STX11: variants seen among roughly 807,000 people sequenced by gnomAD.
STX11 encodes the protein syntaxin-11.
STX11 carries 21 observed loss-of-function variants against 19.9 expected under a neutral mutation model. The observed-to-expected ratio is 1.06, with a 90% confidence interval of 0.75 to 1.52. The LOEUF is 1.52. STX11 is among the 40% of genes most tolerant of loss of function. STX11 has a pLI of 0.00. For missense variants in STX11, 438 were observed against 405.9 expected, an observed-to-expected ratio of 1.08 and a Z score of -0.68; for synonymous variants, 193 against 174.4, an observed-to-expected ratio of 1.11 and a Z score of -0.84.
Position 144,150,587 on chromosome 6 carries a change from G to C in STX11, c.-122G>C. ...TCAGCCTCGGCCGCAGGAGGCGCCG[G>C]GAGCGGAGCCGCCGGGAGTCGCGCA... is the stretch of plus-strand genomic sequence containing the variant. On this transcript the variant is annotated 5_prime_UTR_variant, in exon 1 of 2. Coordinates refer to ENST00000367568, the MANE Select transcript of STX11 (RefSeq NM_003764.4). 1.0e-6 allele frequency: 1 copy of C among 985,466 alleles called. No individual in the cohort carries two copies. Among genetic ancestry groups the C allele is most frequent in the Middle Eastern group, 5.2e-4 (1 of 1,914 alleles). The allele number at this position is 985,466 out of a possible 1,614,324, so 61.0% of individuals were successfully genotyped here.
chr6:144,182,195 G>A lies in STX11; in HGVS notation c.-5-4428G>A. Among the ~76,000 whole-genome samples, 1 of 152,118 alleles carries A rather than the reference G, an allele frequency of 6.6e-6. No individual in the cohort carries two copies. On this transcript the variant is annotated intron_variant, in intron 1 of 1. Transcript: ENST00000367568. The surrounding 1 kb of genome is among the most constrained non-coding windows in gnomAD (Gnocchi z 4.8). Reference sequence around the variant, plus strand: ...TAGGTTATTTTGATTCTCTATTTGTGCCCACTTCTATATTTTTGTATAACT... The same window carrying A: ...TAGGTTATTTTGATTCTCTATTTGTACCCACTTCTATATTTTTGTATAACT...
chr6:144,168,512 T>TA (rs1253642707), intron 1 of STX11, among the ~76,000 whole-genome samples: 1 of 152,082 alleles, frequency 6.6e-6, no homozygotes, highest in Non-Finnish European at 1.5e-5. Flanking sequence ...TTGTTGATGT[T>TA]AAAAAAAACT....
intron 1 of STX11, among the ~76,000 whole-genome samples, chr6:144,163,745 A>G (rs1801406502): frequency 6.6e-6 from 1 of 152,120 alleles, no homozygotes; most frequent in South Asian, 2.1e-4. Context: ...TCAGCCTCCC[A>G]AAGTGCTGGT....
intron 1 of STX11, among the ~76,000 whole-genome samples, chr6:144,186,125 T>G (rs914680642): frequency 3.6e-5 from 5 of 137,008 alleles, no homozygotes; most frequent in Admixed American, 7.9e-5. Flanking sequence ...AAGAGATGGT[T>G]TCCCAATGCA....
rs1264444146 is a variant in STX11 at position 144,187,140 on chromosome 6, A to G, written c.513A>G (p.Glu171=). 6.8e-6 allele frequency: 11 copies of G among 1,613,972 alleles called. No homozygotes were observed. The highest frequency in any genetic ancestry group is 9.3e-6 in the Non-Finnish European group (11 of 1,180,004). ...IQRQLEIMGK[E]VSGDQIEDMF... is the part of the protein sequence containing the mutation. ...GCCAGCTGGAGATCATGGGCAAGGA[A>G]GTCTCGGGCGACCAGATCGAGGACA... The change falls in exon 2 of 2, where the codon GAA becomes GAG. Residue 171 remains glutamate (E), a synonymous_variant. Coordinates refer to ENST00000367568, the MANE Select transcript of STX11 (RefSeq NM_003764.4). The surrounding 1 kb of genome is among the most constrained non-coding windows in gnomAD (Gnocchi z 5.6).
Position 144,187,755 on chromosome 6 carries a change from C to A in STX11, c.*264C>A. ...ATTATATGACACCTTGCACTCTTAC[C>A]GTCTTGACAGAAGCCAAGTAAGGAA... On this transcript the variant is annotated 3_prime_UTR_variant, in exon 2 of 2. Transcript: ENST00000367568. This position sits in a 1 kb window ranked among gnomAD's most constrained non-coding sequence, Gnocchi z 5.6. 1 of 577,040 alleles carries A rather than the reference C, an allele frequency of 1.7e-6. No homozygotes were observed. Among genetic ancestry groups the A allele is most frequent in the East Asian group, 3.0e-5 (1 of 33,046 alleles). 35.7% of individuals were successfully genotyped at this position (577,040 alleles called of 1,614,324 possible).
the STX11 span, among the ~76,000 whole-genome samples, chr6:144,141,658 T>TGTC: frequency 1.2e-5 from 1 of 84,754 alleles, no homozygotes; most frequent in South Asian, 2.7e-4. Context: ...TCAGTTTTGT[T>TGTC]GTTGTTGTTG....
At chr6:144,171,579 G>T (rs1801637347) in intron 1 of STX11, among the ~76,000 whole-genome samples, 1 of 152,164 alleles carries the variant, frequency 6.6e-6, no homozygotes, top group African/African-American at 2.4e-5. Context: ...CTCAGCCAAG[G>T]TTAAAACTGC....
chr6:144,143,858 C>T, the STX11 span, among the ~76,000 whole-genome samples: 826 of 152,240 alleles, frequency 5.4e-3, 11 homozygotes, highest in African/African-American at 0.016. Context: ...AGAGTAGTAG[C>T]TTTATAAACA....
Position 144,155,634 on chromosome 6 carries a change from A to G in STX11, c.-6+4931A>G, listed in dbSNP as rs1446880741. On this transcript the variant is annotated intron_variant, in intron 1 of 1. Transcript: ENST00000367568. This position sits in a 1 kb window ranked among gnomAD's most constrained non-coding sequence, Gnocchi z 4.5. The stretch of plus-strand genomic sequence containing the variant: ...CATATCGGTTTGTCTTGGCTGTTCA[A>G]TTCAACTGTGGTTTCCCTGAGAGAA... Among the ~76,000 whole-genome samples, 1 of 152,198 alleles carries G rather than the reference A, an allele frequency of 6.6e-6. No homozygotes were observed. Among genetic ancestry groups the G allele is most frequent in the Non-Finnish European group, 1.5e-5 (1 of 68,038 alleles).
chr6:144,178,201 T>G (rs1801821455), intron 1 of STX11, among the ~76,000 whole-genome samples: 2 of 152,210 alleles, frequency 1.3e-5, no homozygotes, highest in Admixed American at 1.3e-4. Flanking sequence ...CTTTTGGGAT[T>G]TATATCTCAA....
chr6:144,188,917 G>A lies in STX11; in HGVS notation c.*1426G>A, dbSNP rs1462257110. The stretch of plus-strand genomic sequence containing the variant: ...AATTTTTTATGTTTTTAGTAAAGAC[G>A]GTGTTTCACCGTGTTAGCCAGGATG... On this transcript the variant is annotated 3_prime_UTR_variant, in exon 2 of 2. Transcript: ENST00000367568. 1.3e-5 allele frequency among the ~76,000 whole-genome samples: 2 copies of A among 151,980 alleles called. No homozygotes were observed. Among genetic ancestry groups the A allele is most frequent in the East Asian group, 3.9e-4 (2 of 5,166 alleles).
At position 144,178,090 on chromosome 6, in the gene STX11, T is replaced by C. The variant is rs75074730; in HGVS notation, c.-5-8533T>C. Among the ~76,000 whole-genome samples the C allele has an allele frequency of 4.7e-3, 715 of 152,350 alleles. 25 individuals are homozygous for C. The East Asian group carries it at 0.081, about 17-fold the overall frequency. On this transcript the variant is annotated intron_variant, in intron 1 of 1. Transcript: ENST00000367568. Reference sequence around the variant, plus strand: ...AAGCTCAATTAGGGAATACGTTTCCTATTAGACTAACGATTTTAAAAGAAG... The same window carrying C: ...AAGCTCAATTAGGGAATACGTTTCCCATTAGACTAACGATTTTAAAAGAAG...
In STX11 at chr6:144,172,329, G is replaced by A. The variant is rs2128751970; in HGVS notation, c.-5-14294G>A. ...GCAGCTGTAGAGGTGGGTCAGCTGGGGGCTGGCCTAGCTCTCCGTGCGGTC... is the reference window on the plus strand; with the variant it reads ...GCAGCTGTAGAGGTGGGTCAGCTGGAGGCTGGCCTAGCTCTCCGTGCGGTC... On this transcript the variant is annotated intron_variant, in intron 1 of 1. Transcript: ENST00000367568. The surrounding 1 kb of genome is among the most constrained non-coding windows in gnomAD (Gnocchi z 4.2). Among the ~76,000 whole-genome samples, 1 of 152,250 alleles carries A rather than the reference G, an allele frequency of 6.6e-6. No homozygotes were observed. The highest frequency in any genetic ancestry group is 1.5e-5 in the Non-Finnish European group (1 of 68,020).
chr6:144,187,389 C>G lies in STX11; in HGVS notation c.762C>G (p.Asp254Glu). ...AGCTCAACGTACAAAAGACGGTCGA[C>G]TACACCGGCCAGGCCAAGGCGCAGG... ...VIELNVQKTV[D>E]YTGQAKAQVR... Residue 254 changes from aspartate to glutamate, a missense_variant, in exon 2 of 2, where the codon GAC becomes GAG. By Grantham distance (45) the Asp-to-Glu change is conservative. Transcript: ENST00000367568. This position sits in a 1 kb window ranked among gnomAD's most constrained non-coding sequence, Gnocchi z 5.6. The G allele has an allele frequency of 6.2e-7, 1 of 1,610,986 alleles. No homozygotes were observed. Among genetic ancestry groups the G allele is most frequent in the Non-Finnish European group, 8.5e-7 (1 of 1,179,982 alleles).
chr6:144,168,847 T>A (rs1801552737), intron 1 of STX11, among the ~76,000 whole-genome samples: 1 of 152,264 alleles, frequency 6.6e-6, no homozygotes, highest in South Asian at 2.1e-4. Flanking sequence ...TAAGGATACC[T>A]TGTCACATGG....
chr6:144,141,653 T>TTTGTTGTTG, the STX11 span, among the ~76,000 whole-genome samples: 48 of 150,468 alleles, frequency 3.2e-4, no homozygotes, highest in South Asian at 8.4e-4. Context: ...TATTTTCAGT[T>TTTGTTGTTG]TTGTTGTTGT....
Position 144,183,726 on chromosome 6 carries a change from C to T in STX11, c.-5-2897C>T, listed in dbSNP as rs1801962539. Among the ~76,000 whole-genome samples, 1 of 152,080 alleles carries T rather than the reference C, an allele frequency of 6.6e-6. No homozygotes were observed. The highest frequency in any genetic ancestry group is 1.5e-5 in the Non-Finnish European group (1 of 68,020). On this transcript the variant is annotated intron_variant, in intron 1 of 1. Coordinates refer to ENST00000367568, the MANE Select transcript of STX11 (RefSeq NM_003764.4). The surrounding 1 kb of genome is among the most constrained non-coding windows in gnomAD (Gnocchi z 4.6). ...AATAATACTGATTTTATTATTTTATCTTATTTTATGTTTTTAAGTTCCGGG... is the reference window on the plus strand; with the variant it reads ...AATAATACTGATTTTATTATTTTATTTTATTTTATGTTTTTAAGTTCCGGG...
At chr6:144,146,023 C>T (rs1447651274), upstream of STX11, among the ~76,000 whole-genome samples, 5 of 152,164 alleles carry the variant, frequency 3.3e-5, no homozygotes, top group Non-Finnish European at 2.9e-5. This position sits in a 1 kb window ranked among gnomAD's most constrained non-coding sequence, Gnocchi z 4.4. Context: ...AAAGAGTTCT[C>T]GAACTAGCAT....
Sources: gnomAD v4.1 joint callset for allele counts (sites outside exome capture counted in the v4.1 genomes callset) on GRCh38, gnomAD v4.1.1 for gene constraint, Gnocchi (gnomAD v3.1) non-coding constraint, MANE v1.5 for transcripts, NCBI Gene and HGNC (gene_info 2026-07-23, HGNC 2026-07-21) for gene names.